PVT1: variants seen among roughly 807,000 people sequenced by gnomAD.
The protein encoded by PVT1 is Pvt1 oncogene, also known as CXCR4/PVT1 fusion.
At chr8:127,971,311 C>T (rs977463772) in intron 3 of PVT1, among the ~76,000 whole-genome samples, 1 of 152,252 alleles carries the variant, frequency 6.6e-6, no homozygotes, top group East Asian at 1.9e-4. Context: ...CTGAAGCCTG[C>T]ACCCTGATCC....
intron 2 of PVT1, among the ~76,000 whole-genome samples, chr8:127,886,828 A>T (rs192232770): frequency 6.6e-6 from 1 of 152,094 alleles, no homozygotes; most frequent in African/African-American, 2.4e-5. Context: ...TTAAGAATGG[A>T]TTACATTTCC....
intron 5 of PVT1, among the ~76,000 whole-genome samples, chr8:128,087,060 A>C (rs182151861): frequency 3.3e-5 from 5 of 152,134 alleles, no homozygotes; most frequent in African/African-American, 9.7e-5. Context: ...AATATTGTTT[A>C]CTGTTATGTG....
intron 3 of PVT1, among the ~76,000 whole-genome samples, chr8:127,903,997 T>A (rs1177727021): frequency 6.6e-6 from 1 of 152,248 alleles, no homozygotes; most frequent in Non-Finnish European, 1.5e-5. Context: ...TAACATTGAA[T>A]CTATAAATTG....
chr8:128,050,687 G>A (rs1282611904), intron 4 of PVT1, among the ~76,000 whole-genome samples: 1 of 152,170 alleles, frequency 6.6e-6, no homozygotes, highest in Non-Finnish European at 1.5e-5. Flanking sequence ...CCAAGCCTCT[G>A]TATCCTTGAC....
In PVT1 at chr8:128,022,856, G is replaced by A. The variant is rs900028588; in HGVS notation, n.912+33565G>A. 5.5e-5 allele frequency among the ~76,000 whole-genome samples: 8 copies of A among 144,706 alleles called. No homozygotes were observed. The South Asian group carries it at 1.7e-3, about 31-fold the overall frequency. 94.9% of individuals were successfully genotyped at this position (144,706 alleles called of 152,430 possible). On this transcript the variant is annotated intron_variant and non_coding_transcript_variant, in intron 4 of 10. Transcript: ENST00000651587. ...TAAGCTGTTAGTAAACATGACGCAAGCTGAGATTTTTTTTTTTTTTTTTTT... is the reference window on the plus strand; with the variant it reads ...TAAGCTGTTAGTAAACATGACGCAAACTGAGATTTTTTTTTTTTTTTTTTT...
At chr8:127,899,022 G>A (rs1374297116) in intron 3 of PVT1, among the ~76,000 whole-genome samples, 1 of 152,226 alleles carries the variant, frequency 6.6e-6, no homozygotes, top group East Asian at 1.9e-4. Flanking sequence ...TTGGGACTGG[G>A]TTCAGTGGGA....
chr8:127,801,233 T>C (rs777394481), intron 2 of PVT1, among the ~76,000 whole-genome samples: 11 of 152,076 alleles, frequency 7.2e-5, no homozygotes, highest in Non-Finnish European at 1.6e-4. Flanking sequence ...CTTGCGGTGT[T>C]TTTTGTTTTT....
intron 3 of PVT1, among the ~76,000 whole-genome samples, chr8:127,927,158 C>T (rs1162548954): frequency 1.3e-5 from 2 of 152,184 alleles, no homozygotes; most frequent in African/African-American, 2.4e-5. Context: ...TAACCGGGAA[C>T]TTCTTCTATG....
chr8:127,973,109 C>T (rs547422670), intron 3 of PVT1, among the ~76,000 whole-genome samples: 146 of 152,136 alleles, frequency 9.6e-4, no homozygotes, highest in African/African-American at 3.3e-3. Context: ...TGCTATGTTG[C>T]CCAGGCTGGT....
chr8:127,901,527 G>C (rs1450548317), intron 3 of PVT1, among the ~76,000 whole-genome samples: 1 of 152,202 alleles, frequency 6.6e-6, no homozygotes, highest in African/African-American at 2.4e-5. Context: ...GTTGAATGTT[G>C]TGGGAAAAAG....
chr8:127,890,845 G>A (rs1197004949), exon 3 of PVT1: 1 of 152,300 alleles, frequency 6.6e-6, no homozygotes, highest in Non-Finnish European at 1.5e-5. Context: ...TGTCCATGGG[G>A]GACGAAGGAC....
At chr8:127,865,649 A>G (rs1406778097) in intron 2 of PVT1, among the ~76,000 whole-genome samples, 1 of 152,232 alleles carries the variant, frequency 6.6e-6, no homozygotes, top group Non-Finnish European at 1.5e-5. Context: ...CAGAGCCTCC[A>G]GGAAGGAACA....
chr8:127,952,687 G>A (rs1269280478), intron 3 of PVT1, among the ~76,000 whole-genome samples: 1 of 152,090 alleles, frequency 6.6e-6, no homozygotes, highest in Non-Finnish European at 1.5e-5. Context: ...TTCCGATGAG[G>A]CAACAGAGGC....
intron 4 of PVT1, among the ~76,000 whole-genome samples, chr8:128,059,362 G>A (rs2130118283): frequency 6.6e-6 from 1 of 152,208 alleles, no homozygotes; most frequent in Middle Eastern, 3.4e-3. Flanking sequence ...TGTCCACCAG[G>A]GGTGGTCAAA....
chr8:127,920,318 A>G (rs1816041447), intron 3 of PVT1, among the ~76,000 whole-genome samples: 2 of 152,224 alleles, frequency 1.3e-5, no homozygotes, highest in Admixed American at 6.5e-5. Context: ...TTCGCTTTGT[A>G]AAAGCAAACT....
At chr8:127,929,237 A>C (rs552643812) in intron 3 of PVT1, among the ~76,000 whole-genome samples, 41 of 147,950 alleles carry the variant, frequency 2.8e-4, no homozygotes, top group Middle Eastern at 7.0e-3. Flanking sequence ...CAAAGCTGGC[A>C]TGAGCAAATG....
intron 3 of PVT1, among the ~76,000 whole-genome samples, chr8:127,941,506 C>A (rs1428741334): frequency 6.6e-6 from 1 of 152,118 alleles, no homozygotes; most frequent in Non-Finnish European, 1.5e-5. Flanking sequence ...TATGTAGAGC[C>A]ATGTGAATTT....
chr8:128,061,102 G>T lies in PVT1; in HGVS notation n.913-9058G>T, dbSNP rs1259262859. Among the ~76,000 whole-genome samples, 3 of 152,150 alleles carry T rather than the reference G, an allele frequency of 2.0e-5. No homozygotes were observed. The East Asian group carries it at 5.8e-4, about 29-fold the overall frequency. ...GTTTTGTATTTTTAGTAGAGACGGG[G>T]TTTCGCCATGTTGGCGAGGCTGGTC... On this transcript the variant is annotated intron_variant and non_coding_transcript_variant, in intron 4 of 10. Transcript: ENST00000651587.
chr8:128,021,364 G>A (rs1170983427), intron 4 of PVT1, among the ~76,000 whole-genome samples: 2 of 137,750 alleles, frequency 1.5e-5, no homozygotes, highest in East Asian at 4.4e-4. Flanking sequence ...CGCAATCTTG[G>A]CTCACTGCAA....
Sources: gnomAD v4.1 joint callset for allele counts (sites outside exome capture counted in the v4.1 genomes callset) on GRCh38, gnomAD v4.1.1 for gene constraint, MANE v1.5 for transcripts, NCBI Gene and HGNC (gene_info 2026-07-23, HGNC 2026-07-21) for gene names.